VPS8: variants seen among roughly 807,000 people sequenced by gnomAD.
VPS8 encodes the protein VPS8 subunit of CORVET complex.
Under a neutral mutation model 216.4 loss-of-function variants are expected in VPS8, and 129 were observed. That is an observed-to-expected ratio of 0.60 (90% CI 0.52 to 0.69). VPS8 has a LOEUF of 0.69. VPS8 is among the 30% of genes least tolerant of loss of function. The probability of loss-of-function intolerance (pLI) is 0.00; values close to 1 mark genes in which losing one functional copy is unlikely to be tolerated. For missense variants in VPS8, 1,531 were observed against 1,683.5 expected (o/e 0.91, Z 1.59); for synonymous variants, 571 against 565.4 (o/e 1.01, Z -0.14).
At chr3:185,039,027 G>C (rs1759279609) in intron 46 of VPS8, among the ~76,000 whole-genome samples, 1 of 152,152 alleles carries the variant, frequency 6.6e-6, no homozygotes, top group African/African-American at 2.4e-5. Flanking sequence ...AAATACCAAT[G>C]TCCTGCTCCT....
intron 34 of VPS8, among the ~76,000 whole-genome samples, chr3:184,934,982 T>A (rs1004695544): frequency 3.9e-5 from 6 of 152,270 alleles, no homozygotes; most frequent in African/African-American, 1.4e-4. Context: ...GACCCTACAG[T>A]TTTTCATATG....
chr3:185,041,490 C>A (rs1011712148), intron 46 of VPS8, among the ~76,000 whole-genome samples: 1 of 152,110 alleles, frequency 6.6e-6, no homozygotes, highest in Non-Finnish European at 1.5e-5. Flanking sequence ...ACAGGAGTTG[C>A]CTCACGGCTA....
intron 1 of VPS8, among the ~76,000 whole-genome samples, chr3:184,822,450 A>C (rs1484578607): frequency 6.6e-6 from 1 of 152,206 alleles, no homozygotes; most frequent in East Asian, 1.9e-4. Flanking sequence ...TCCAGATATG[A>C]GATAAAAAGA....
At chr3:184,974,906 G>A (rs6788666) in intron 40 of VPS8, among the ~76,000 whole-genome samples, 137,814 of 152,158 alleles carry the variant, frequency 0.91, 63,312 homozygotes, top group Non-Finnish European at 0.98. Context: ...GTTCTATTTC[G>A]TTGGTCTATG....
At chr3:185,028,608 C>G (rs1176470031) in intron 46 of VPS8, among the ~76,000 whole-genome samples, 1 of 152,162 alleles carries the variant, frequency 6.6e-6, no homozygotes, top group African/African-American at 2.4e-5. Context: ...TAACCCTAGG[C>G]TGTGTTAATG....
In VPS8 at chr3:184,869,382, C is replaced by T. The variant is rs142488083; in HGVS notation, c.1598-100C>T. On this transcript the variant is annotated intron_variant, in intron 19 of 47. Coordinates refer to ENST00000625842, the MANE Select transcript of VPS8 (RefSeq NM_001009921.3). Reference sequence around the variant, plus strand: ...ATAGCTAAGAATTGTTACAATTATACCTGTTGTTTCACATCTTATAAATAT... The same window carrying T: ...ATAGCTAAGAATTGTTACAATTATATCTGTTGTTTCACATCTTATAAATAT... 1.7e-4 allele frequency: 208 copies of T among 1,205,578 alleles called. 1 individual carries two copies. In the East Asian group the frequency reaches 4.5e-3, roughly 26 times the overall value. The allele number at this position is 1,205,578 out of a possible 1,614,324, so 74.7% of individuals were successfully genotyped here. A position where few individuals can be genotyped will look rare whatever the true frequency, so the allele number is the denominator to read the frequency against.
At chr3:185,022,082 C>T (rs1261314284) in intron 45 of VPS8, among the ~76,000 whole-genome samples, 1 of 152,082 alleles carries the variant, frequency 6.6e-6, no homozygotes, top group Non-Finnish European at 1.5e-5. Flanking sequence ...ATCATGGGGG[C>T]GGTTACCCTT....
At chr3:184,887,261 C>T (rs1578083643) in intron 22 of VPS8, among the ~76,000 whole-genome samples, 1 of 152,006 alleles carries the variant, frequency 6.6e-6, no homozygotes, top group South Asian at 2.1e-4. Context: ...GTGGGAGGAT[C>T]GTTTGAGCGC....
At chr3:184,866,140 A>G (rs1727313857) in intron 16 of VPS8, among the ~76,000 whole-genome samples, 1 of 152,234 alleles carries the variant, frequency 6.6e-6, no homozygotes, top group African/African-American at 2.4e-5. Context: ...CGAAGAGTGA[A>G]AACAATCTAC....
At chr3:184,947,434 G>A (rs1363153995) in intron 36 of VPS8, among the ~76,000 whole-genome samples, 1 of 152,094 alleles carries the variant, frequency 6.6e-6, no homozygotes, top group East Asian at 1.9e-4. Context: ...CAAGTGGAAA[G>A]GAACAAATTT....
chr3:184,875,650 G>A (rs563146204), intron 21 of VPS8, among the ~76,000 whole-genome samples: 1 of 151,978 alleles, frequency 6.6e-6, no homozygotes, highest in East Asian at 1.9e-4. Flanking sequence ...AATATCCTAT[G>A]CTTTCTTGTT....
At chr3:184,822,246 G>A (rs977705824) in intron 1 of VPS8, among the ~76,000 whole-genome samples, 1 of 152,054 alleles carries the variant, frequency 6.6e-6, no homozygotes, top group East Asian at 1.9e-4. Context: ...AGACTCTTTG[G>A]CTTGTGTTCT....
At chr3:185,041,773 G>C (rs1007346606) in intron 46 of VPS8, among the ~76,000 whole-genome samples, 1 of 152,236 alleles carries the variant, frequency 6.6e-6, no homozygotes, top group Non-Finnish European at 1.5e-5. Context: ...TCTAATGTGT[G>C]TGGTGTTTTC....
intron 45 of VPS8, among the ~76,000 whole-genome samples, chr3:185,013,883 A>C (rs1216467527): frequency 6.6e-6 from 1 of 152,228 alleles, no homozygotes; most frequent in African/African-American, 2.4e-5. Flanking sequence ...TAATGATTCC[A>C]TGGGAATCGT....
chr3:184,998,166 CTT>C (rs1446509708), intron 44 of VPS8, among the ~76,000 whole-genome samples: 1 of 152,102 alleles, frequency 6.6e-6, no homozygotes, highest in Non-Finnish European at 1.5e-5. Context: ...GAAAGTGAGA[CTT>C]TTACTCTGAG....
intron 22 of VPS8, among the ~76,000 whole-genome samples, chr3:184,890,772 ATTAC>A (rs940592786): frequency 2.0e-5 from 3 of 152,110 alleles, no homozygotes; most frequent in African/African-American, 7.2e-5. Flanking sequence ...TCTTTTGTAA[ATTAC>A]TTAATATCAG....
intron 45 of VPS8, among the ~76,000 whole-genome samples, chr3:185,005,728 T>C (rs1490508265): frequency 2.0e-5 from 3 of 152,154 alleles, no homozygotes; most frequent in Non-Finnish European, 4.4e-5. Context: ...GCAGTGCTGC[T>C]GATTTGGGTA....
intron 25 of VPS8, among the ~76,000 whole-genome samples, chr3:184,913,211 A>T (rs1321512616): frequency 4.6e-5 from 7 of 152,184 alleles, no homozygotes; most frequent in South Asian, 2.1e-4. Flanking sequence ...TGTACAGTTC[A>T]TCAGCTCATT....
chr3:185,045,375 C>T (rs1712635658), intron 46 of VPS8, among the ~76,000 whole-genome samples: 1 of 152,130 alleles, frequency 6.6e-6, no homozygotes, highest in Non-Finnish European at 1.5e-5. Context: ...GCTTCGTGTC[C>T]AGTATCCCTA....
Sources: allele counts gnomAD v4.1 joint callset (sites outside exome capture counted in the v4.1 genomes callset), GRCh38; gene constraint gnomAD v4.1.1; transcripts MANE v1.5; gene names NCBI Gene and HGNC (gene_info 2026-07-23, HGNC 2026-07-21).